Variants in ADAMTS17 observed in about 807,000 individuals in gnomAD.
The protein encoded by ADAMTS17 is A disintegrin and metalloproteinase with thrombospondin motifs 17.
A neutral mutation model predicts 141.5 loss-of-function variants in ADAMTS17; 113 were observed. The ratio of observed to expected loss-of-function variants is 0.80; its 90% CI spans 0.69 to 0.93. The LOEUF (loss-of-function observed/expected upper bound fraction) is 0.93. Ranked by LOEUF, ADAMTS17 falls within the 40% of genes least tolerant of loss-of-function variation. The pLI is 0.00. For missense variants in ADAMTS17, 1,659 were observed against 1,517.9 expected, an observed-to-expected ratio of 1.09 and a Z score of -1.54; for synonymous variants, 768 against 630.6, an observed-to-expected ratio of 1.22 and a Z score of -3.27.
Position 100,210,117 on chromosome 15 carries a change from G to C in ADAMTS17, c.1076-10694C>G, listed in dbSNP as rs548384686. On this transcript the variant is annotated intron_variant, in intron 7 of 21. Transcript: ENST00000268070. Reference sequence around the variant, plus strand: ...GGCATAGTGGGCGCCTGTTGTCCCAGCCACTCAGGAGGCTGAGGCAGGAGA... The same window carrying C: ...GGCATAGTGGGCGCCTGTTGTCCCACCCACTCAGGAGGCTGAGGCAGGAGA... 4.0e-5 allele frequency among the ~76,000 whole-genome samples: 6 copies of C among 150,816 alleles called. No individual in the cohort carries two copies. In the South Asian group the frequency reaches 1.3e-3, roughly 32 times the overall value.
intron 6 of ADAMTS17, among the ~76,000 whole-genome samples, chr15:100,255,958 G>C (rs538327409): frequency 7.9e-5 from 12 of 152,342 alleles, no homozygotes; most frequent in African/African-American, 2.4e-4. Context: ...CAGGGAGGGA[G>C]AGCCACACTC....
At chr15:100,067,335 G>C (rs903791057) in intron 15 of ADAMTS17, among the ~76,000 whole-genome samples, 5 of 152,038 alleles carry the variant, frequency 3.3e-5, no homozygotes, top group Admixed American at 2.6e-4. Context: ...ATATTGAGAA[G>C]GCAGCCATCA....
At chr15:100,296,438 A>C (rs2044815629) in intron 3 of ADAMTS17, among the ~76,000 whole-genome samples, 1 of 152,202 alleles carries the variant, frequency 6.6e-6, no homozygotes, top group African/African-American at 2.4e-5. Flanking sequence ...AAAAGGCAAA[A>C]AATAAGTTTT....
chr15:100,133,216 T>C lies in ADAMTS17; in HGVS notation c.1573A>G (p.Lys525Glu). The change falls in exon 11 of 22, where the codon AAG (lysine) becomes GAG (glutamate). Residue 525 changes from lysine (K) to glutamate (E), a missense_variant and splice_region_variant. Transcript: ENST00000268070. ...GGCAGTGGGAAGTCAGAGGTTACCT[T>C]GTCTGCCCCACACTCGGTGCCATCC... ...PLDGTECGAD[K>E]WCRAGECVSK... 1 of 1,588,202 alleles carries C rather than the reference T, an allele frequency of 6.3e-7. No homozygotes were observed. The highest frequency in any genetic ancestry group is 8.6e-7 in the Non-Finnish European group (1 of 1,165,548).
At chr15:100,008,512 G>GC (rs1295969849) in intron 18 of ADAMTS17, among the ~76,000 whole-genome samples, 1 of 152,212 alleles carries the variant, frequency 6.6e-6, no homozygotes, top group Non-Finnish European at 1.5e-5. Context: ...GGAGGCCAGG[G>GC]CCCGGGGGCC....
At chr15:99,980,323 A>G (rs1039206973) in intron 20 of ADAMTS17, 6 of 152,262 alleles carry the variant, frequency 3.9e-5, no homozygotes, top group Non-Finnish European at 7.3e-5. Flanking sequence ...TCTGTTTCAA[A>G]AAAGTAAAAA....
chr15:100,316,276 T>C (rs2045562637), intron 3 of ADAMTS17, among the ~76,000 whole-genome samples: 1 of 152,160 alleles, frequency 6.6e-6, no homozygotes, highest in Non-Finnish European at 1.5e-5. Flanking sequence ...CAGCCCCTCC[T>C]CAAGCATGTG....
At chr15:100,034,235 C>A (rs564821097) in intron 18 of ADAMTS17, among the ~76,000 whole-genome samples, 2 of 152,352 alleles carry the variant, frequency 1.3e-5, no homozygotes, top group East Asian at 3.9e-4. Flanking sequence ...TCACAGCACA[C>A]AGTGGCACAC....
chr15:100,310,317 CCCAA>C (rs2045361947), intron 3 of ADAMTS17, among the ~76,000 whole-genome samples: 1 of 152,210 alleles, frequency 6.6e-6, no homozygotes, highest in Non-Finnish European at 1.5e-5. Context: ...TAAAGCATCC[CCCAA>C]AAGCACAGTG....
At chr15:100,107,309 AC>A (rs1461108244) in intron 14 of ADAMTS17, among the ~76,000 whole-genome samples, 8 of 152,142 alleles carry the variant, frequency 5.3e-5, no homozygotes, top group Non-Finnish European at 8.8e-5. Flanking sequence ...AGTGGACCTG[AC>A]GCCTGGAAGC....
Position 100,133,295 on chromosome 15 carries a change from C to T in ADAMTS17, c.1494G>A (p.Leu498=), listed in dbSNP as rs747492450. The T allele has an allele frequency of 3.8e-6, 6 of 1,591,028 alleles. No homozygotes were observed. Among genetic ancestry groups the T allele is most frequent in the Non-Finnish European group, 8.6e-7 (1 of 1,166,456 alleles). Residue 498 remains leucine, a synonymous_variant, in exon 11 of 22, where the codon CTG becomes CTA. Transcript: ENST00000268070. ...ATGTGTCTCCTTCTACCAGGCACCA[C>T]AGTCCAGCACACATTAGATGCTGCA... is the stretch of plus-strand genomic sequence containing the variant. ...RNMEHLMCAG[L]WCLVEGDTSC...
At chr15:100,336,064 CAAAG>C (rs772110900) in intron 2 of ADAMTS17, among the ~76,000 whole-genome samples, 1 of 152,254 alleles carries the variant, frequency 6.6e-6, no homozygotes, top group Non-Finnish European at 1.5e-5. Flanking sequence ...TGCAATCAGT[CAAAG>C]AAGACTGCTT....
chr15:100,058,600 C>G (rs1419484993), intron 15 of ADAMTS17, among the ~76,000 whole-genome samples: 1 of 152,240 alleles, frequency 6.6e-6, no homozygotes, highest in Non-Finnish European at 1.5e-5. Context: ...CTCAGAAACG[C>G]TGCACAGAGG....
intron 7 of ADAMTS17, 151 bp from the exon 8 acceptor site, chr15:100,199,574 T>G: frequency 1.3e-6 from 1 of 750,266 alleles, no homozygotes; most frequent in Non-Finnish European, 2.4e-6. Flanking sequence ...GAAGGGTTTG[T>G]GTATGATGCT....
intron 12 of ADAMTS17, 100 bp downstream of exon 12, chr15:100,131,907 C>T (rs2038063590): frequency 6.4e-7 from 1 of 1,572,910 alleles, no homozygotes; most frequent in Non-Finnish European, 8.7e-7. Context: ...TCTTCTAATG[C>T]TCAGCGGGAG....
Position 100,162,378 on chromosome 15 carries a change from T to TA in ADAMTS17, c.1182-7059_1182-7058insT, listed in dbSNP as rs2039733175. Among the ~76,000 whole-genome samples, 10 of 147,526 alleles carry TA rather than the reference T, an allele frequency of 6.8e-5. No individual in the cohort carries two copies. The Admixed American group carries it at 6.8e-4, about 10-fold the overall frequency. The stretch of plus-strand genomic sequence containing the variant: ...ATATAACTATATAGTTATATATATG[T>TA]TATATATATAACTATCTATATGTGT... On this transcript the variant is annotated intron_variant, in intron 8 of 21. Coordinates refer to ENST00000268070, the MANE Select transcript of ADAMTS17 (RefSeq NM_139057.4).
At chr15:100,306,254 C>G in intron 3 of ADAMTS17, 1 of 340,410 alleles carries the variant, frequency 2.9e-6, no homozygotes, top group Non-Finnish European at 5.8e-6. Flanking sequence ...TGCCCTTGAA[C>G]CTGGGTAGGT....
Position 99,993,049 on chromosome 15 carries a change from G to A in ADAMTS17, c.2948C>T (p.Thr983Met), listed in dbSNP as rs142633005. The A allele has an allele frequency of 3.2e-4, 524 of 1,613,984 alleles. No individual in the cohort carries two copies. The highest frequency in any genetic ancestry group is 3.7e-4 in the Non-Finnish European group (434 of 1,180,044). Reference protein sequence around the residue: ...CYEWKTGDWSTCSSTCGKGLQ... With the variant: ...CYEWKTGDWSMCSSTCGKGLQ... ...GAAATGCCAGCAGGCTGCTCTCACC[G>A]TAGACCAGTCCCCAGTTTTCCACTC... The change falls in exon 20 of 22, where the codon ACG (threonine) becomes ATG (methionine). Residue 983 changes from threonine (T) to methionine (M), a missense_variant and splice_region_variant. Coordinates refer to ENST00000268070, the MANE Select transcript of ADAMTS17 (RefSeq NM_139057.4). This position sits in a 1 kb window ranked among gnomAD's most constrained non-coding sequence, Gnocchi z 4.3.
intron 7 of ADAMTS17, among the ~76,000 whole-genome samples, chr15:100,236,668 T>C (rs2042665589): frequency 6.6e-6 from 1 of 152,216 alleles, no homozygotes; most frequent in Admixed American, 6.5e-5. Context: ...TAAGACCTTG[T>C]TTCTACATAA....
Sources: allele counts gnomAD v4.1 joint callset (sites outside exome capture counted in the v4.1 genomes callset), GRCh38; gene constraint gnomAD v4.1.1; non-coding constraint Gnocchi (gnomAD v3.1); transcripts MANE v1.5; gene names NCBI Gene and HGNC (gene_info 2026-07-23, HGNC 2026-07-21).